FHIP2A: variants seen among roughly 807,000 people sequenced by gnomAD.
FHIP2A encodes family with sequence similarity 160 member B1.
In FHIP2A, 46 loss-of-function variants were observed where a neutral mutation model predicts 93.5. The ratio of observed to expected loss-of-function variants is 0.49; its 90% CI spans 0.39 to 0.63. The LOEUF is 0.63. FHIP2A is among the 20% of genes least tolerant of loss of function. FHIP2A has a pLI of 0.00. For missense variants in FHIP2A, 769 were observed against 909.7 expected, an observed-to-expected ratio of 0.85 and a Z score of 1.99; for synonymous variants, 332 against 326.5, an observed-to-expected ratio of 1.02 and a Z score of -0.18.
At chr10:114,867,881 A>G (rs148249547), downstream of FHIP2A, among the ~76,000 whole-genome samples, 670 of 152,266 alleles carry the variant, frequency 4.4e-3, 3 homozygotes, top group Non-Finnish European at 7.2e-3. Context: ...AGGTGGCTTC[A>G]AGGAATTACC....
At position 114,860,897 on chromosome 10, in the gene FHIP2A, A is replaced by G. The variant is rs549457378; in HGVS notation, c.2088+8A>G. On this transcript the variant is annotated splice_region_variant and intron_variant, in intron 15 of 16. Coordinates refer to ENST00000369248, the MANE Select transcript of FHIP2A (RefSeq NM_020940.4). ...TTCTCTGTAATTGTCAGGGTGAGTT[A>G]CTAGTTCTGTTATATTCCCTAGGAT... The G allele has an allele frequency of 1.9e-6, 3 of 1,611,856 alleles. No individual in the cohort carries two copies. The African/African-American group carries it at 4.0e-5, about 21-fold the overall frequency.
Position 114,830,880 on chromosome 10 carries a change from A to T in FHIP2A, c.74A>T (p.Asp25Val). 1.2e-6 allele frequency: 2 copies of T among 1,610,422 alleles called. No homozygotes were observed. The highest frequency in any genetic ancestry group is 1.7e-6 in the Non-Finnish European group (2 of 1,178,130). Reference sequence around the variant, plus strand: ...GCACCTTCTCTTCCTTTACAAGAAGATTTTGTTTATCACTGGAAGGCAATT... The same window carrying T: ...GCACCTTCTCTTCCTTTACAAGAAGTTTTTGTTTATCACTGGAAGGCAATT... The part of the protein sequence containing the change: ...ALAPSLPLQE[D>V]FVYHWKAITH... The change falls in exon 2 of 17, where the codon GAT becomes GTT. Residue 25 changes from aspartate to valine, a missense_variant. By Grantham distance (152) the Asp-to-Val change is radical. Transcript: ENST00000369248.
chr10:114,852,869 G>A (rs17092497), intron 13 of FHIP2A, among the ~76,000 whole-genome samples: 48,463 of 151,834 alleles, frequency 0.32, 8,300 homozygotes, highest in Non-Finnish European at 0.39. Context: ...TAACATTTAC[G>A]TGCATTTATT....
chr10:114,856,605 C>T (rs2083768602), intron 14 of FHIP2A, among the ~76,000 whole-genome samples: 1 of 152,084 alleles, frequency 6.6e-6, no homozygotes, highest in Non-Finnish European at 1.5e-5. Context: ...ACCGAAAGTA[C>T]TAAAAAGGAA....
At chr10:114,848,529 T>G in intron 12 of FHIP2A, 118 bp from the exon 13 acceptor site, 1 of 645,868 alleles carries the variant, frequency 1.5e-6, no homozygotes. Flanking sequence ...GCTTTAGTAC[T>G]TATAAAGTTA....
intron 1 of FHIP2A, among the ~76,000 whole-genome samples, chr10:114,824,003 T>G (rs1421646107): frequency 6.6e-6 from 1 of 152,212 alleles, no homozygotes; most frequent in Non-Finnish European, 1.5e-5. Flanking sequence ...CATATTCAAG[T>G]ACTGCCTTGA....
intron 16 of FHIP2A, among the ~76,000 whole-genome samples, chr10:114,877,321 T>G (rs559635735): frequency 1.3e-5 from 2 of 152,198 alleles, no homozygotes; most frequent in African/African-American, 4.8e-5. Context: ...GTTTCCAAAT[T>G]CATTCAATTA....
chr10:114,822,730 G>T (rs59790293), intron 1 of FHIP2A, among the ~76,000 whole-genome samples: 1 of 152,286 alleles, frequency 6.6e-6, no homozygotes, highest in Admixed American at 6.5e-5. Context: ...TGAACCTTAT[G>T]TATTGATCTG....
intron 16 of FHIP2A, among the ~76,000 whole-genome samples, chr10:114,896,670 C>A (rs912424482): frequency 6.6e-6 from 1 of 152,236 alleles, no homozygotes; most frequent in African/African-American, 2.4e-5. Flanking sequence ...AGTTGTCCCA[C>A]CTTTCCAGAC....
intron 12 of FHIP2A, among the ~76,000 whole-genome samples, 178 bp from the exon 13 acceptor site, chr10:114,848,469 C>T (rs1322045959): frequency 6.6e-6 from 1 of 151,960 alleles, no homozygotes; most frequent in Non-Finnish European, 1.5e-5. Flanking sequence ...TTTCATTTCT[C>T]GGGTTTCCAT....
rs748189991 is a variant in FHIP2A, at chr10:114,835,519, C to A, written c.295-18C>A. ...TGTCTGTTGTTTTCCTGTTGGCTTC[C>A]TTTTTTCCTATACCCAGTGTCCTCC... On this transcript the variant is annotated intron_variant, in intron 3 of 16. Coordinates refer to ENST00000369248, the MANE Select transcript of FHIP2A (RefSeq NM_020940.4). 7.9e-6 allele frequency: 12 copies of A among 1,527,716 alleles called. 1 individual carries two copies. In the South Asian group the frequency reaches 1.2e-4, roughly 16 times the overall value. 94.6% of individuals were successfully genotyped at this position (1,527,716 alleles called of 1,614,324 possible). A position where few individuals can be genotyped will look rare whatever the true frequency, so the allele number is the denominator to read the frequency against.
chr10:114,831,327 A>ATT (rs1339125720), intron 2 of FHIP2A, among the ~76,000 whole-genome samples: 1 of 152,220 alleles, frequency 6.6e-6, no homozygotes, highest in African/African-American at 2.4e-5. Context: ...ATTTTAGGTT[A>ATT]GAGAAAACCT....
chr10:114,843,286 AT>A (rs1475414664), intron 6 of FHIP2A, 60 bp downstream of exon 6: 5 of 1,072,878 alleles, frequency 4.7e-6, no homozygotes, highest in Non-Finnish European at 5.0e-6. Context: ...GTATTTATTT[AT>A]TTTTTTAATT....
At chr10:114,888,825 A>T (rs750107734) in intron 16 of FHIP2A, among the ~76,000 whole-genome samples, 2 of 151,832 alleles carry the variant, frequency 1.3e-5, no homozygotes, top group Non-Finnish European at 2.9e-5. Context: ...CTGATCTTGA[A>T]CCCCTGAGCT....
In FHIP2A at chr10:114,862,031, G is replaced by A; in HGVS notation, c.*491G>A. On this transcript the variant is annotated 3_prime_UTR_variant, in exon 17 of 17. Transcript: ENST00000369248. The stretch of plus-strand genomic sequence containing the variant: ...AACAAAATATGAAAACTGTAAATGA[G>A]AAAAAAATACAATTCAGAAACCATT... 1 of 967,920 alleles carries A rather than the reference G, an allele frequency of 1.0e-6. No homozygotes were observed. Among genetic ancestry groups the A allele is most frequent in the Non-Finnish European group, 1.2e-6 (1 of 813,862 alleles). The allele number at this position is 967,920 out of a possible 1,614,324, so 60.0% of individuals were successfully genotyped here. A position where few individuals can be genotyped will look rare whatever the true frequency, so the allele number is the denominator to read the frequency against.
intron 16 of FHIP2A, among the ~76,000 whole-genome samples, chr10:114,890,551 A>G (rs1053025871): frequency 2.0e-5 from 3 of 148,134 alleles, no homozygotes; most frequent in Admixed American, 6.8e-5. Context: ...TATATTAAAT[A>G]TACGCTATAT....
intron 16 of FHIP2A, among the ~76,000 whole-genome samples, chr10:114,876,223 C>T (rs2083888566): frequency 6.6e-6 from 1 of 152,318 alleles, no homozygotes; most frequent in East Asian, 1.9e-4. Context: ...CCAACCCTTT[C>T]CTCAGGGAGA....
chr10:114,846,940 G>A, intron 11 of FHIP2A, 150 bp from the exon 12 acceptor site: 2 of 813,526 alleles, frequency 2.5e-6, no homozygotes, highest in Non-Finnish European at 1.9e-6. Flanking sequence ...AGTATAGAAT[G>A]TTAATTTGCC....
At chr10:114,865,656 C>T (rs1431893762), downstream of FHIP2A, among the ~76,000 whole-genome samples, 1 of 151,984 alleles carries the variant, frequency 6.6e-6, no homozygotes. Context: ...TAATTGGATC[C>T]CCAGTCCAAA....
Sources: gnomAD v4.1 joint callset for allele counts (sites outside exome capture counted in the v4.1 genomes callset) on GRCh38, gnomAD v4.1.1 for gene constraint, MANE v1.5 for transcripts, NCBI Gene and HGNC (gene_info 2026-07-23, HGNC 2026-07-21) for gene names.